LITAF: variants seen among roughly 807,000 people sequenced by gnomAD.
LITAF encodes lipopolysaccharide induced TNF factor.
Under a neutral mutation model 14.5 loss-of-function variants are expected in LITAF, and 9 were observed. The ratio of observed to expected loss-of-function variants is 0.62; its 90% CI spans 0.37 to 1.08. The LOEUF (loss-of-function observed/expected upper bound fraction) is 1.08. Ranked by LOEUF, LITAF falls within the 50% of genes least tolerant of loss-of-function variation. LITAF has a pLI of 0.01. For synonymous variants in LITAF, 98 were observed against 88.2 expected (o/e 1.11, Z -0.62); for missense variants, 206 against 213.4 (o/e 0.97, Z 0.22).
chr16:11,556,119 T>C (rs887918912), intron 2 of LITAF, among the ~76,000 whole-genome samples: 14 of 152,128 alleles, frequency 9.2e-5, no homozygotes, highest in African/African-American at 3.4e-4. Flanking sequence ...CACACATTGC[T>C]CAGGACGGTT....
chr16:11,635,552 T>C (rs1051851718), intron 2 of LITAF, among the ~76,000 whole-genome samples: 2 of 152,150 alleles, frequency 1.3e-5, no homozygotes, highest in African/African-American at 4.8e-5. Context: ...CACAGGCCAG[T>C]TTCTGTCCGC....
intron 3 of LITAF, among the ~76,000 whole-genome samples, chr16:11,627,483 C>T (rs2065090835): frequency 6.6e-6 from 1 of 152,252 alleles, no homozygotes; most frequent in Non-Finnish European, 1.5e-5. Flanking sequence ...ATGGCATAAA[C>T]CAGTTCCAGT....
intron 3 of LITAF, among the ~76,000 whole-genome samples, chr16:11,611,726 G>A (rs1026878799): frequency 7.3e-5 from 11 of 149,916 alleles, no homozygotes; most frequent in South Asian, 2.1e-4. Context: ...GCAGTGGTGC[G>A]ATCTCGCCTC....
At chr16:11,556,853 C>T (rs2064279096) in intron 1 of LITAF, 118 bp from the exon 2 acceptor site, 2 of 870,876 alleles carry the variant, frequency 2.3e-6, no homozygotes, top group Non-Finnish European at 1.9e-6. Context: ...TGACTTCCAT[C>T]CAGCTTTGTC....
chr16:11,620,753 G>A (rs1326585659), intron 3 of LITAF, among the ~76,000 whole-genome samples: 2 of 152,224 alleles, frequency 1.3e-5, no homozygotes, highest in African/African-American at 4.8e-5. Context: ...CAGGGAGACA[G>A]ACAATAGGGA....
At chr16:11,580,659 G>T (rs1312741205) in intron 1 of LITAF, among the ~76,000 whole-genome samples, 1 of 152,136 alleles carries the variant, frequency 6.6e-6, no homozygotes. Flanking sequence ...CATTCAAGAG[G>T]CTTTTTATCT....
intron 1 of LITAF, among the ~76,000 whole-genome samples, chr16:11,573,171 C>T (rs1466985542): frequency 6.6e-6 from 1 of 152,114 alleles, no homozygotes; most frequent in Non-Finnish European, 1.5e-5. Flanking sequence ...CTCAAGCGAT[C>T]CGCCTGCCTC....
At chr16:11,628,828 C>A (rs1237160539) in intron 3 of LITAF, among the ~76,000 whole-genome samples, 1 of 152,192 alleles carries the variant, frequency 6.6e-6, no homozygotes, top group African/African-American at 2.4e-5. Flanking sequence ...AGGCGCACAC[C>A]ACCATGCCCA....
upstream of LITAF, chr16:11,587,124 C>T (rs2064816995): frequency 3.4e-6 from 1 of 291,894 alleles, no homozygotes; most frequent in Non-Finnish European, 6.8e-6. Flanking sequence ...CCGGCTCGCT[C>T]GCCACCCCAG....
intron 1 of LITAF, among the ~76,000 whole-genome samples, chr16:11,582,100 C>T (rs2064746616): frequency 6.6e-6 from 1 of 152,066 alleles, no homozygotes; most frequent in Admixed American, 6.6e-5. Context: ...TGAATGCTCA[C>T]AACACAAAGA....
chr16:11,636,708 G>GGCACAATGCACA (rs72390053), upstream of LITAF, among the ~76,000 whole-genome samples: 9,207 of 152,090 alleles, frequency 0.061, 955 homozygotes, highest in African/African-American at 0.21. Flanking sequence ...CACAGCTGCC[G>GGCACAATGCACA]GCATTCACCT....
intron 1 of LITAF, among the ~76,000 whole-genome samples, chr16:11,576,094 G>A (rs1012435822): frequency 6.6e-6 from 1 of 152,074 alleles, no homozygotes; most frequent in Admixed American, 6.5e-5. Context: ...TCACTATGTT[G>A]CCCAGGCTGG....
chr16:11,549,620 C>A lies in LITAF; in HGVS notation c.*17G>T. 1 of 1,595,404 alleles carries A rather than the reference C, an allele frequency of 6.3e-7. No individual in the cohort carries two copies. Among genetic ancestry groups the A allele is most frequent in the East Asian group, 2.2e-5 (1 of 44,656 alleles). The stretch of plus-strand genomic sequence containing the variant: ...GACTTCCTGCGGCACCCGGCTCCCT[C>A]CACGTCTGGCTGAGTCCTACAAACG... On this transcript the variant is annotated 3_prime_UTR_variant, in exon 4 of 4. Coordinates refer to ENST00000622633, the MANE Select transcript of LITAF (RefSeq NM_001136472.2). The surrounding 1 kb of genome is among the most constrained non-coding windows in gnomAD (Gnocchi z 4.6).
intron 1 of LITAF, among the ~76,000 whole-genome samples, chr16:11,573,144 G>C (rs912635952): frequency 5.3e-5 from 8 of 152,030 alleles, no homozygotes; most frequent in African/African-American, 1.9e-4. Flanking sequence ...TGCCCAGGCT[G>C]GTCCCAAACT....
In LITAF at chr16:11,556,586, T is replaced by C; in HGVS notation, c.145A>G (p.Thr49Ala). The C allele has an allele frequency of 6.2e-7, 1 of 1,614,128 alleles. No homozygotes were observed. Among genetic ancestry groups the C allele is most frequent in the Non-Finnish European group, 8.5e-7 (1 of 1,180,030 alleles). The change falls in exon 2 of 4, where the codon ACG becomes GCG. Residue 49 changes from threonine to alanine, a missense_variant. Coordinates refer to ENST00000622633, the MANE Select transcript of LITAF (RefSeq NM_001136472.2). ...TTCATGCCCTTCCCATCAGGCCCCGTCACAAGCCCCGTAGTTGGCCCAGGC... is the reference window on the plus strand; with the variant it reads ...TTCATGCCCTTCCCATCAGGCCCCGCCACAAGCCCCGTAGTTGGCCCAGGC... Reference protein sequence around the residue: ...PMPGPTTGLVTGPDGKGMNPP... With the variant: ...PMPGPTTGLVAGPDGKGMNPP...
chr16:11,580,210 TG>T (rs2064710951), intron 1 of LITAF, among the ~76,000 whole-genome samples: 1 of 151,970 alleles, frequency 6.6e-6, no homozygotes, highest in Non-Finnish European at 1.5e-5. Flanking sequence ...AAGAGATACT[TG>T]ATCTGTGTAA....
At chr16:11,612,989 C>A (rs749546992) in intron 3 of LITAF, among the ~76,000 whole-genome samples, 1 of 152,130 alleles carries the variant, frequency 6.6e-6, no homozygotes, top group Admixed American at 6.6e-5. Context: ...TGGGCAAGGC[C>A]AGCCATTCAG....
chr16:11,629,862 TC>T (rs1343452988), intron 3 of LITAF, among the ~76,000 whole-genome samples: 2 of 151,946 alleles, frequency 1.3e-5, no homozygotes, highest in Non-Finnish European at 2.9e-5. Flanking sequence ...TAGGCGCTCT[TC>T]CCCCCACAGC....
intron 3 of LITAF, among the ~76,000 whole-genome samples, chr16:11,614,559 C>G (rs2065005009): frequency 6.6e-6 from 1 of 152,040 alleles, no homozygotes; most frequent in African/African-American, 2.4e-5. Context: ...CTTGGCCTCC[C>G]AAAGTGCTGG....
Sources: gnomAD v4.1 joint callset for allele counts (sites outside exome capture counted in the v4.1 genomes callset) on GRCh38, gnomAD v4.1.1 for gene constraint, Gnocchi (gnomAD v3.1) non-coding constraint, MANE v1.5 for transcripts, NCBI Gene and HGNC (gene_info 2026-07-23, HGNC 2026-07-21) for gene names.